Variants in PHYHIPL observed in about 807,000 individuals in gnomAD.
PHYHIPL encodes phytanoyl-CoA 2-hydroxylase interacting protein like.
Under a neutral mutation model 33.4 loss-of-function variants are expected in PHYHIPL, and 9 were observed. That is an observed-to-expected ratio of 0.27 (90% CI 0.16 to 0.47). The LOEUF (loss-of-function observed/expected upper bound fraction) is 0.47. Among genes scored for constraint, PHYHIPL ranks in the 20% least tolerant of loss-of-function variants. The pLI, the probability that PHYHIPL is intolerant of heterozygous loss-of-function variation, is 0.99. For synonymous variants in PHYHIPL, 153 were observed against 154.1 expected, an observed-to-expected ratio of 0.99 and a Z score of 0.05; for missense variants, 365 against 460.7, an observed-to-expected ratio of 0.79 and a Z score of 1.90.
At chr10:59,193,513 A>C (rs1755915056) in intron 1 of PHYHIPL, among the ~76,000 whole-genome samples, 1 of 152,178 alleles carries the variant, frequency 6.6e-6, no homozygotes, top group African/African-American at 2.4e-5. Flanking sequence ...TAAGGCTTTC[A>C]AATTGAACAC....
chr10:59,184,013 C>G (rs965452134), intron 1 of PHYHIPL, among the ~76,000 whole-genome samples: 1 of 152,140 alleles, frequency 6.6e-6, no homozygotes, highest in Non-Finnish European at 1.5e-5. Context: ...ATTGGTGAAT[C>G]TCTCAGTCTT....
chr10:59,197,885 A>C (rs982257529), intron 1 of PHYHIPL, among the ~76,000 whole-genome samples: 1 of 152,150 alleles, frequency 6.6e-6, no homozygotes, highest in Non-Finnish European at 1.5e-5. Context: ...AACCTAGGTC[A>C]AATAATGAAG....
chr10:59,245,102 TG>T lies in PHYHIPL; in HGVS notation c.644del (p.Gly215ValfsTer11). ...AMQPSVKDNS[G>X]SHGSPISGKL... ...TGCAGCCATCTGTCAAGGATAACAG[TG>T]GTAGCCATGGCTCTCCTATCAGTGG... On this transcript the variant is annotated frameshift_variant, in exon 5 of 5. Transcript: ENST00000373880. LOFTEE classifies it high-confidence loss of function. 6.2e-7 allele frequency: 1 copy of T among 1,613,764 alleles called. No homozygotes were observed. The highest frequency in any genetic ancestry group is 8.5e-7 in the Non-Finnish European group (1 of 1,179,852).
intron 1 of PHYHIPL, among the ~76,000 whole-genome samples, chr10:59,187,335 G>A (rs1279656744): frequency 6.6e-6 from 1 of 152,158 alleles, no homozygotes; most frequent in Non-Finnish European, 1.5e-5. Context: ...TGGTGGATGA[G>A]CTTTTTGATG....
intron 4 of PHYHIPL, 36 bp downstream of exon 4, chr10:59,238,741 A>C (rs1840303921): frequency 7.4e-7 from 1 of 1,357,824 alleles, no homozygotes; most frequent in Admixed American, 1.7e-5. Context: ...TTGTTTTACT[A>C]AATATAGTTT....
chr10:59,194,744 T>C (rs1314562080), intron 1 of PHYHIPL, among the ~76,000 whole-genome samples: 1 of 152,214 alleles, frequency 6.6e-6, no homozygotes, highest in Non-Finnish European at 1.5e-5. Flanking sequence ...TCTTAAGTTA[T>C]CTCTGAAATT....
intron 1 of PHYHIPL, among the ~76,000 whole-genome samples, chr10:59,205,357 T>C (rs1839256785): frequency 6.6e-6 from 1 of 152,194 alleles, no homozygotes; most frequent in Non-Finnish European, 1.5e-5. Context: ...AGTTGATTCA[T>C]CTGTTTTCCA....
intron 1 of PHYHIPL, among the ~76,000 whole-genome samples, chr10:59,226,539 G>A (rs1839930583): frequency 6.6e-6 from 1 of 152,070 alleles, no homozygotes; most frequent in Non-Finnish European, 1.5e-5. Context: ...CTAAGGAGGA[G>A]TTAGAGTGGA....
chr10:59,185,996 T>G lies in PHYHIPL; in HGVS notation c.106+9037T>G, dbSNP rs1438777200. Among the ~76,000 whole-genome samples, 4 of 152,344 alleles carry G rather than the reference T, an allele frequency of 2.6e-5. No individual in the cohort carries two copies. The East Asian group carries it at 7.7e-4, about 29-fold the overall frequency. On this transcript the variant is annotated intron_variant, in intron 1 of 4. Transcript: ENST00000373880. ...TAGATACTATTTGTCAATTTTGGCT[T>G]TTGTTGCCATTGCTTTTGGTGTTTT...
intron 4 of PHYHIPL, among the ~76,000 whole-genome samples, chr10:59,240,617 G>A (rs373553604): frequency 2.6e-5 from 4 of 151,884 alleles, no homozygotes; most frequent in Admixed American, 2.6e-4. Flanking sequence ...ATAAGTCAGG[G>A]ACTGTCTGTA....
intron 1 of PHYHIPL, among the ~76,000 whole-genome samples, chr10:59,224,936 T>C: frequency 6.6e-6 from 1 of 151,966 alleles, no homozygotes; most frequent in East Asian, 1.9e-4. Context: ...TTTACTCTTA[T>C]CTACTAATAT....
At chr10:59,190,550 G>C (rs139223193) in intron 1 of PHYHIPL, among the ~76,000 whole-genome samples, 5 of 151,806 alleles carry the variant, frequency 3.3e-5, no homozygotes, top group African/African-American at 9.7e-5. Flanking sequence ...TTTCAGAACA[G>C]TTGATTTATT....
intron 4 of PHYHIPL, among the ~76,000 whole-genome samples, chr10:59,242,125 G>A (rs1840421327): frequency 6.6e-6 from 1 of 152,160 alleles, no homozygotes; most frequent in African/African-American, 2.4e-5. Flanking sequence ...CCTCTGCTAG[G>A]GTGGTATCAG....
chr10:59,215,582 C>T (rs1385197525), intron 1 of PHYHIPL, among the ~76,000 whole-genome samples: 2 of 151,874 alleles, frequency 1.3e-5, no homozygotes, highest in Non-Finnish European at 2.9e-5. Context: ...GTATCTTACA[C>T]TCTGGTGGGA....
intron 1 of PHYHIPL, among the ~76,000 whole-genome samples, chr10:59,187,682 G>C (rs973436683): frequency 2.6e-5 from 4 of 152,088 alleles, no homozygotes; most frequent in African/African-American, 9.7e-5. Context: ...CTTCTTCCTG[G>C]TTTAGTCTTG....
intron 1 of PHYHIPL, among the ~76,000 whole-genome samples, chr10:59,217,248 C>T (rs889565951): frequency 6.6e-6 from 1 of 151,966 alleles, no homozygotes; most frequent in African/African-American, 2.4e-5. Flanking sequence ...AGAAGATAGA[C>T]TTCAATGTGC....
chr10:59,247,474 T>G lies in PHYHIPL; in HGVS notation c.*1883T>G. On this transcript the variant is annotated 3_prime_UTR_variant, in exon 5 of 5. Coordinates refer to ENST00000373880, the MANE Select transcript of PHYHIPL (RefSeq NM_032439.4). The stretch of plus-strand genomic sequence containing the variant: ...TCTCCTTGTATATAATTAAACTTGC[T>G]ATTCCTTCTTAAAAACAGCTAATAC... 1.0e-6 allele frequency: 1 copy of G among 988,066 alleles called. No individual in the cohort carries two copies. The highest frequency in any genetic ancestry group is 1.5e-6 in the Non-Finnish European group (1 of 647,666). The allele number at this position is 988,066 out of a possible 1,614,324, so 61.2% of individuals were successfully genotyped here. A position where few individuals can be genotyped will look rare whatever the true frequency, so the allele number is the denominator to read the frequency against.
intron 4 of PHYHIPL, 56 bp from the exon 5 acceptor site, chr10:59,245,001 A>G: frequency 6.6e-7 from 1 of 1,522,122 alleles, no homozygotes; most frequent in South Asian, 1.3e-5. Flanking sequence ...CAAATATATA[A>G]ATCAGTGGGT....
chr10:59,241,718 C>T (rs915969474), intron 4 of PHYHIPL, among the ~76,000 whole-genome samples: 4 of 152,040 alleles, frequency 2.6e-5, no homozygotes, highest in East Asian at 1.9e-4. Context: ...GTAACAAGGG[C>T]GAGAAATTTT....
Sources: gnomAD v4.1 joint callset for allele counts (sites outside exome capture counted in the v4.1 genomes callset) on GRCh38, gnomAD v4.1.1 for gene constraint, MANE v1.5 for transcripts, NCBI Gene and HGNC (gene_info 2026-07-23, HGNC 2026-07-21) for gene names.